Variants in CD86 observed in about 807,000 individuals in gnomAD.
The protein encoded by CD86 is CD86 molecule.
A neutral mutation model predicts 32.1 loss-of-function variants in CD86; 11 were observed. The observed-to-expected ratio is 0.34, with a 90% CI of 0.22 to 0.57. CD86 has a LOEUF of 0.57. Among genes scored for constraint, CD86 ranks in the 20% least tolerant of loss-of-function variants. CD86 has a pLI of 0.86. For missense variants in CD86, 359 were observed against 398.4 expected (o/e 0.90, Z 0.84); for synonymous variants, 137 against 135.3 (o/e 1.01, Z -0.09).
intron 2 of CD86, among the ~76,000 whole-genome samples, chr3:122,102,860 T>C (rs2073032423): frequency 7.0e-6 from 1 of 143,582 alleles, no homozygotes; most frequent in African/African-American, 2.8e-5. Context: ...TTCTAAAGCA[T>C]TTGACATCCT....
At chr3:122,068,351 G>GA (rs776073934) in intron 1 of CD86, among the ~76,000 whole-genome samples, 35 of 147,918 alleles carry the variant, frequency 2.4e-4, no homozygotes, top group African/African-American at 5.4e-4. Flanking sequence ...TGCACACATA[G>GA]AAAAAAAAAA....
intron 1 of CD86, among the ~76,000 whole-genome samples, chr3:122,058,635 GA>G (rs1244065767): frequency 6.6e-6 from 1 of 152,092 alleles, no homozygotes; most frequent in East Asian, 1.9e-4. Flanking sequence ...TAATAATAGA[GA>G]AAGAAGCTGG....
intron 5 of CD86, among the ~76,000 whole-genome samples, chr3:122,113,774 A>G (rs1053889873): frequency 1.3e-5 from 2 of 152,200 alleles, no homozygotes; most frequent in Non-Finnish European, 2.9e-5. Flanking sequence ...GAAATAGCTC[A>G]AGTAACTGAT....
intron 1 of CD86, among the ~76,000 whole-genome samples, chr3:122,069,685 C>CCCCTGTGGCCTTCCTCCAGAGATGGA (rs1174339308): frequency 1.3e-5 from 2 of 152,164 alleles, no homozygotes; most frequent in African/African-American, 4.8e-5. Context: ...TTACCCCTGG[C>CCCCTGTGGCCTTCCTCCAGAGATGGA]CCCTGTGGCC....
intron 3 of CD86, among the ~76,000 whole-genome samples, chr3:122,104,494 T>A (rs188830929): frequency 6.0e-4 from 91 of 152,322 alleles, no homozygotes; most frequent in Middle Eastern, 3.4e-3. Context: ...TTATTTTTTT[T>A]TGTTTTGATA....
chr3:122,109,838 C>A (rs1329609431), intron 5 of CD86, among the ~76,000 whole-genome samples: 3 of 152,156 alleles, frequency 2.0e-5, no homozygotes, highest in African/African-American at 7.2e-5. Context: ...ATCTAGGTTT[C>A]TTATGAAATA....
chr3:122,105,991 T>C (rs1220079139), intron 3 of CD86, among the ~76,000 whole-genome samples: 2 of 152,106 alleles, frequency 1.3e-5, no homozygotes, highest in African/African-American at 4.8e-5. Context: ...AAGCAGGAAG[T>C]AAGCATGGCT....
At chr3:122,059,926 G>T (rs2107496701) in intron 1 of CD86, among the ~76,000 whole-genome samples, 1 of 152,222 alleles carries the variant, frequency 6.6e-6, no homozygotes, top group South Asian at 2.1e-4. Flanking sequence ...AGAGAGAAAG[G>T]CTCGCAACAG....
At chr3:122,093,393 G>A (rs998616860) in intron 2 of CD86, among the ~76,000 whole-genome samples, 1 of 152,132 alleles carries the variant, frequency 6.6e-6, no homozygotes, top group Non-Finnish European at 1.5e-5. Context: ...TACGTTCTGA[G>A]AAACACATTA....
intron 1 of CD86, among the ~76,000 whole-genome samples, chr3:122,082,681 C>G (rs2072651109): frequency 6.6e-6 from 1 of 152,200 alleles, no homozygotes; most frequent in Non-Finnish European, 1.5e-5. Context: ...TCCTCTTACA[C>G]AGTTGTTATT....
intron 2 of CD86, among the ~76,000 whole-genome samples, chr3:122,095,147 G>A (rs2072885913): frequency 6.7e-6 from 1 of 150,364 alleles, no homozygotes; most frequent in African/African-American, 2.4e-5. Flanking sequence ...TGGAGTGGTA[G>A]TTGGAATATT....
chr3:122,088,084 G>A (rs187982866), intron 1 of CD86, among the ~76,000 whole-genome samples: 1 of 151,822 alleles, frequency 6.6e-6, no homozygotes, highest in East Asian at 1.9e-4. Context: ...CACCCCAGAA[G>A]AAAAATTGTC....
chr3:122,110,304 T>C (rs372688764), intron 5 of CD86, among the ~76,000 whole-genome samples: 6 of 152,228 alleles, frequency 3.9e-5, no homozygotes, highest in Non-Finnish European at 8.8e-5. Flanking sequence ...ACTTCTGTTA[T>C]AAAAATGTTT....
In CD86 at chr3:122,101,573, G is replaced by A. The variant is rs897953947; in HGVS notation, c.65-1939G>A. Among the ~76,000 whole-genome samples the A allele has an allele frequency of 5.8e-5, 8 of 136,978 alleles. No individual in the cohort carries two copies. The South Asian group carries it at 1.2e-3, about 20-fold the overall frequency. 89.9% of individuals were successfully genotyped at this position (136,978 alleles called of 152,430 possible). A position where few individuals can be genotyped will look rare whatever the true frequency, so the allele number is the denominator to read the frequency against. On this transcript the variant is annotated intron_variant, in intron 2 of 6. Coordinates refer to ENST00000330540, the MANE Select transcript of CD86 (RefSeq NM_175862.5). ...CAAGAAGACAGAAGCAGCTAAAGAC[G>A]AAGTCATTTCCAGGTCCAGAAGGCA...
intron 2 of CD86, among the ~76,000 whole-genome samples, chr3:122,092,867 A>G (rs1309444133): frequency 6.6e-6 from 1 of 152,224 alleles, no homozygotes; most frequent in African/African-American, 2.4e-5. Flanking sequence ...AGGGAACTAC[A>G]AAGAGATGGT....
At chr3:122,101,486 G>A (rs1173495601) in intron 2 of CD86, among the ~76,000 whole-genome samples, 1 of 117,044 alleles carries the variant, frequency 8.5e-6, no homozygotes, top group South Asian at 2.8e-4. Context: ...GATACTGTGA[G>A]GCTCTACAGA....
At chr3:122,094,810 G>T (rs1359913245) in intron 2 of CD86, among the ~76,000 whole-genome samples, 1 of 152,200 alleles carries the variant, frequency 6.6e-6, no homozygotes, top group Non-Finnish European at 1.5e-5. Flanking sequence ...AAAATTGGAT[G>T]GGAGTTTAAG....
At chr3:122,065,246 GGATGAAAA>G (rs2072397012) in intron 1 of CD86, among the ~76,000 whole-genome samples, 2 of 152,148 alleles carry the variant, frequency 1.3e-5, no homozygotes, top group Non-Finnish European at 2.9e-5. Context: ...AAACATTTGT[GGATGAAAA>G]GATTTGAGCT....
chr3:122,109,990 T>C (rs2254911), intron 5 of CD86, among the ~76,000 whole-genome samples: 136,758 of 152,248 alleles, frequency 0.9, 61,745 homozygotes, highest in East Asian at 1. Flanking sequence ...ATTACACAAA[T>C]ATTTTTGGTG....
Sources: allele counts gnomAD v4.1 joint callset (sites outside exome capture counted in the v4.1 genomes callset), GRCh38; gene constraint gnomAD v4.1.1; transcripts MANE v1.5; gene names NCBI Gene and HGNC (gene_info 2026-07-23, HGNC 2026-07-21).